The following LRRC4C variants were observed in gnomAD, a reference collection of about 807,000 sequenced individuals.
LRRC4C encodes leucine rich repeat containing 4C, also known as leucine-rich repeat-containing protein 4C.
LRRC4C carries 5 observed loss-of-function variants against 33.6 expected under a neutral mutation model. The ratio of observed to expected loss-of-function variants is 0.15; its 90% CI spans 0.08 to 0.31. The LOEUF is 0.31. LRRC4C is among the 10% of genes least tolerant of loss of function. The probability of loss-of-function intolerance (pLI) is 1.00; values close to 1 mark genes in which losing one functional copy is unlikely to be tolerated. For missense variants in LRRC4C, 560 were observed against 796.7 expected, an observed-to-expected ratio of 0.70 and a Z score of 3.58; for synonymous variants, 329 against 302.0, an observed-to-expected ratio of 1.09 and a Z score of -0.93.
intron 1 of LRRC4C, among the ~76,000 whole-genome samples, chr11:41,188,488 C>T (rs1253650004): frequency 6.6e-6 from 1 of 151,866 alleles, no homozygotes; most frequent in Non-Finnish European, 1.5e-5. Context: ...CTCTTACTGG[C>T]TATGTGATTC....
chr11:40,731,319 A>AATAT (rs1947573105), intron 2 of LRRC4C, among the ~76,000 whole-genome samples: 1 of 127,040 alleles, frequency 7.9e-6, no homozygotes, highest in Non-Finnish European at 1.7e-5. Context: ...ACTCCGTCTC[A>AATAT]AAATAAATAA....
At chr11:40,940,701 T>C (rs941785916) in intron 1 of LRRC4C, among the ~76,000 whole-genome samples, 16 of 152,264 alleles carry the variant, frequency 1.1e-4, no homozygotes, top group Admixed American at 1.0e-3. Context: ...AGAAGAGCAT[T>C]CTGTGCTTTT....
At chr11:41,259,148 G>C (rs1948895214) in intron 1 of LRRC4C, among the ~76,000 whole-genome samples, 1 of 151,930 alleles carries the variant, frequency 6.6e-6, no homozygotes, top group East Asian at 1.9e-4. Flanking sequence ...TTATTTGAAA[G>C]GAACCTTAAA....
intron 3 of LRRC4C, among the ~76,000 whole-genome samples, chr11:40,529,294 TAAGTG>T (rs1025153440): frequency 2.6e-5 from 4 of 152,098 alleles, no homozygotes; most frequent in Non-Finnish European, 4.4e-5. Context: ...ATAAATTAAA[TAAGTG>T]AAGTTGATTG....
intron 2 of LRRC4C, among the ~76,000 whole-genome samples, chr11:40,903,286 G>T (rs1175089575): frequency 1.3e-5 from 2 of 152,272 alleles, no homozygotes; most frequent in South Asian, 2.1e-4. Context: ...TAAGCCCAAT[G>T]TTGAGACCTA....
chr11:40,334,179 T>A (rs1159092548), intron 3 of LRRC4C, among the ~76,000 whole-genome samples: 2 of 152,304 alleles, frequency 1.3e-5, no homozygotes, highest in Middle Eastern at 6.8e-3. Context: ...ATTTTATATT[T>A]AAGGGCACCT....
intron 2 of LRRC4C, among the ~76,000 whole-genome samples, chr11:40,756,669 T>G (rs2137033125): frequency 6.6e-6 from 1 of 152,216 alleles, no homozygotes; most frequent in Non-Finnish European, 1.5e-5. Context: ...ACTGGTCAAT[T>G]AAAACGTCCT....
At chr11:40,791,735 A>G (rs956488000) in intron 2 of LRRC4C, among the ~76,000 whole-genome samples, 3 of 152,210 alleles carry the variant, frequency 2.0e-5, no homozygotes, top group African/African-American at 7.2e-5. Flanking sequence ...AAGCAGCCTC[A>G]TAAAAAGAAA....
chr11:41,108,638 A>T (rs1164127718), intron 1 of LRRC4C, among the ~76,000 whole-genome samples: 2 of 152,168 alleles, frequency 1.3e-5, no homozygotes, highest in Non-Finnish European at 2.9e-5. Flanking sequence ...GTAATAAAAA[A>T]TGTCATCTTG....
At chr11:41,396,028 A>C (rs2138053503) in intron 1 of LRRC4C, among the ~76,000 whole-genome samples, 1 of 152,124 alleles carries the variant, frequency 6.6e-6, no homozygotes, top group East Asian at 1.9e-4. Flanking sequence ...ATTCTTTAAA[A>C]CATTCTGAGA....
chr11:41,169,412 A>G (rs1944870976), intron 1 of LRRC4C, among the ~76,000 whole-genome samples: 1 of 152,096 alleles, frequency 6.6e-6, no homozygotes. Context: ...TAGTACTAGG[A>G]GCTTGTTGTA....
intron 1 of LRRC4C, among the ~76,000 whole-genome samples, chr11:41,412,940 T>C (rs1037755242): frequency 6.6e-6 from 1 of 152,200 alleles, no homozygotes. Context: ...ATTTGTTAAT[T>C]TTGTCCTTCA....
At chr11:40,295,396 A>G (rs1052653298) in intron 4 of LRRC4C, among the ~76,000 whole-genome samples, 13 of 152,094 alleles carry the variant, frequency 8.5e-5, no homozygotes, top group African/African-American at 3.1e-4. Context: ...CTTTGCACTG[A>G]TTTTCTTTAT....
In LRRC4C at chr11:40,628,418, CA is replaced by C. The variant is rs758358835; in HGVS notation, c.-270+19723del. On this transcript the variant is annotated intron_variant, in intron 3 of 6. Transcript: ENST00000528697. ...GCGTGAACCCGGGAGGCAGAGCTTG[CA>C]GTGAGCCGAGATTGCGCCACTGCAC... Among the ~76,000 whole-genome samples the C allele has an allele frequency of 3.8e-4, 58 of 152,236 alleles. No individual in the cohort carries two copies. In the East Asian group the frequency reaches 8.5e-3, roughly 22 times the overall value.
At chr11:40,710,168 C>A (rs1042252543) in intron 2 of LRRC4C, among the ~76,000 whole-genome samples, 1 of 152,196 alleles carries the variant, frequency 6.6e-6, no homozygotes, top group South Asian at 2.1e-4. Context: ...TTGTTATTAC[C>A]GACTTTCTGA....
chr11:41,034,516 GTATA>G (rs1211122909), intron 1 of LRRC4C, among the ~76,000 whole-genome samples: 8 of 142,206 alleles, frequency 5.6e-5, no homozygotes, highest in African/African-American at 2.1e-4. Flanking sequence ...ATATATGTGT[GTATA>G]TATATATTTA....
At chr11:41,002,194 T>A (rs147564811) in intron 1 of LRRC4C, among the ~76,000 whole-genome samples, 1 of 152,176 alleles carries the variant, frequency 6.6e-6, no homozygotes, top group Non-Finnish European at 1.5e-5. Flanking sequence ...AGACCTCTGA[T>A]GGAGTCTCAT....
At chr11:40,600,963 G>T (rs1002131728) in intron 3 of LRRC4C, among the ~76,000 whole-genome samples, 1 of 152,120 alleles carries the variant, frequency 6.6e-6, no homozygotes, top group African/African-American at 2.4e-5. Flanking sequence ...AGGCAATTTA[G>T]ATTTTTACCA....
chr11:40,182,502 C>G (rs1379956503), intron 5 of LRRC4C, among the ~76,000 whole-genome samples: 2 of 152,154 alleles, frequency 1.3e-5, no homozygotes, highest in African/African-American at 4.8e-5. Flanking sequence ...CTAAATGCCA[C>G]AGAATAAGTA....
Sources: allele counts gnomAD v4.1 joint callset (sites outside exome capture counted in the v4.1 genomes callset), GRCh38; gene constraint gnomAD v4.1.1; transcripts MANE v1.5; gene names NCBI Gene and HGNC (gene_info 2026-07-23, HGNC 2026-07-21).